Variants in REEP1 observed in about 807,000 individuals in gnomAD.
REEP1 encodes receptor expression-enhancing protein 1.
In REEP1, 22 loss-of-function variants were observed where a neutral mutation model predicts 40.3. The ratio of observed to expected loss-of-function variants is 0.55; its 90% confidence interval spans 0.39 to 0.78. The LOEUF is 0.78. REEP1 is among the 30% of genes least tolerant of loss of function. The probability of loss-of-function intolerance (pLI) is 0.00; values close to 1 mark genes in which losing one functional copy is unlikely to be tolerated. For missense variants in REEP1, 280 were observed against 361.1 expected, an observed-to-expected ratio of 0.78 and a Z score of 1.82; for synonymous variants, 116 against 139.2, an observed-to-expected ratio of 0.83 and a Z score of 1.17.
intron 4 of REEP1, among the ~76,000 whole-genome samples, chr2:86,252,955 G>A (rs529068254): frequency 6.6e-6 from 1 of 152,310 alleles, no homozygotes; most frequent in East Asian, 1.9e-4. Flanking sequence ...GTTTGTTTGG[G>A]AGTGTTTTGT....
intron 1 of REEP1, among the ~76,000 whole-genome samples, chr2:86,284,223 C>G (rs1574080142): frequency 6.6e-6 from 1 of 152,096 alleles, no homozygotes; most frequent in East Asian, 1.9e-4. Flanking sequence ...GGAGGCCTTT[C>G]CTGACCTGGT....
chr2:86,319,666 G>T (rs1454902418), intron 1 of REEP1, among the ~76,000 whole-genome samples: 1 of 152,094 alleles, frequency 6.6e-6, no homozygotes, highest in East Asian at 1.9e-4. Context: ...CTGCACTCCA[G>T]CCTGGGCGAC....
chr2:86,300,002 A>G (rs1285354870), intron 1 of REEP1, among the ~76,000 whole-genome samples: 2 of 152,164 alleles, frequency 1.3e-5, no homozygotes, highest in Middle Eastern at 3.2e-3. Flanking sequence ...GCAGCAGCCC[A>G]GGGCCAGACT....
chr2:86,266,680 T>C (rs578043622), intron 2 of REEP1, among the ~76,000 whole-genome samples: 1 of 147,406 alleles, frequency 6.8e-6, no homozygotes, highest in Non-Finnish European at 1.5e-5. Context: ...AATAAATAAA[T>C]AAAGATATAC....
chr2:86,324,157 CT>C (rs962692668), intron 1 of REEP1, among the ~76,000 whole-genome samples: 3 of 151,902 alleles, frequency 2.0e-5, no homozygotes, highest in Non-Finnish European at 4.4e-5. Context: ...AAAATGCTGT[CT>C]ATTGCATTAA....
intron 1 of REEP1, among the ~76,000 whole-genome samples, chr2:86,318,586 C>T (rs533510533): frequency 2.6e-5 from 4 of 151,888 alleles, no homozygotes; most frequent in East Asian, 1.9e-4. Context: ...TTAGTAGAGA[C>T]GGGGTTTCAC....
At chr2:86,247,321 G>C (rs1483267273) in intron 5 of REEP1, among the ~76,000 whole-genome samples, 2 of 152,044 alleles carry the variant, frequency 1.3e-5, no homozygotes, top group African/African-American at 4.8e-5. Flanking sequence ...GTGGGATAGG[G>C]GTTAAATTCC....
chr2:86,252,028 C>T lies in REEP1; in HGVS notation c.346G>A (p.Asp116Asn), dbSNP rs201343132. ...CLVQAKDRSYDALVHFGKRGL... is the reference protein window; with the variant it reads ...CLVQAKDRSYNALVHFGKRGL... ...CGCTTCCCGAAGTGCACAAGGGCAT[C>T]GTAACTTCGGTCTTTTGCTTGGACC... is the stretch of plus-strand genomic sequence containing the variant. The change falls in exon 5 of 9, where the codon GAT becomes AAT. Residue 116 changes from aspartate (D) to asparagine (N), a missense_variant. Around this residue, in one of 3 missense-constraint regions of REEP1, gnomAD observed 201 missense variants for 238.5 expected, o/e 0.84. Coordinates refer to ENST00000538924, the MANE Select transcript of REEP1 (RefSeq NM_001371279.1). 12 of 1,613,924 alleles carry T rather than the reference C, an allele frequency of 7.4e-6. No homozygotes were observed. The highest frequency in any genetic ancestry group is 5.9e-6 in the Non-Finnish European group (7 of 1,180,016).
At chr2:86,230,468 G>A (rs1480989791) in intron 6 of REEP1, among the ~76,000 whole-genome samples, 1 of 152,176 alleles carries the variant, frequency 6.6e-6, no homozygotes, top group Non-Finnish European at 1.5e-5. Context: ...GGGACGCCAG[G>A]GCCACCTAAG....
At position 86,337,278 on chromosome 2, in the gene REEP1, C is replaced by A; in HGVS notation, c.32+201G>T. 1 of 293,124 alleles carries A rather than the reference C, an allele frequency of 3.4e-6. No homozygotes were observed. The highest frequency in any genetic ancestry group is 6.1e-6 in the Non-Finnish European group (1 of 163,696). 18.2% of individuals were successfully genotyped at this position (293,124 alleles called of 1,614,324 possible). On this transcript the variant is annotated intron_variant, in intron 1 of 8. Coordinates refer to ENST00000538924, the MANE Select transcript of REEP1 (RefSeq NM_001371279.1). This position sits in a 1 kb window ranked among gnomAD's most constrained non-coding sequence, Gnocchi z 5.8. ...CCCCGCAAGCGGCCGCCGGCGCCGGCTGCCTCCTGGGCAGCAGCCGCGTCC... is the reference window on the plus strand; with the variant it reads ...CCCCGCAAGCGGCCGCCGGCGCCGGATGCCTCCTGGGCAGCAGCCGCGTCC...
chr2:86,247,970 G>A (rs563604220), intron 5 of REEP1, among the ~76,000 whole-genome samples: 2 of 152,106 alleles, frequency 1.3e-5, no homozygotes, highest in South Asian at 4.2e-4. Context: ...TTAGAGAAAG[G>A]ACACAGGGCT....
intron 1 of REEP1, among the ~76,000 whole-genome samples, chr2:86,305,102 T>C (rs977365794): frequency 2.0e-5 from 3 of 152,014 alleles, no homozygotes; most frequent in Non-Finnish European, 4.4e-5. Flanking sequence ...ATACAGATAT[T>C]GGTTAAATGA....
intron 3 of REEP1, 37 bp downstream of exon 3, chr2:86,263,928 T>G: frequency 6.5e-7 from 1 of 1,534,770 alleles, no homozygotes; most frequent in Non-Finnish European, 9.0e-7. Flanking sequence ...CTAAGCAAAA[T>G]TGTCCTTAGA....
rs1050149764 is a variant in REEP1, at chr2:86,220,042, G to A, written c.711C>T (p.Asp237=). The A allele has an allele frequency of 2.6e-5, 32 of 1,232,028 alleles. No homozygotes were observed. The highest frequency in any genetic ancestry group is 3.0e-5 in the Non-Finnish European group (30 of 987,992). The allele number at this position is 1,232,028 out of a possible 1,614,324, so 76.3% of individuals were successfully genotyped here. A position where few individuals can be genotyped will look rare whatever the true frequency, so the allele number is the denominator to read the frequency against. The change falls in exon 8 of 9, where the codon GAC becomes GAT. Residue 237 remains aspartate (D), a synonymous_variant. Transcript: ENST00000538924. ...AATCCAGCAGGTCTTCCTCCTCGTC[G>A]TCAGAAAACGCCAATGGGTTTTGGA... ...HQVQNPLAFS[D]DEEEDLLDFM...
At chr2:86,230,097 C>G (rs1298668568) in intron 6 of REEP1, among the ~76,000 whole-genome samples, 1 of 152,242 alleles carries the variant, frequency 6.6e-6, no homozygotes, top group Non-Finnish European at 1.5e-5. Flanking sequence ...CTGGTCCTCT[C>G]AGCCTGGGAC....
intron 2 of REEP1, among the ~76,000 whole-genome samples, chr2:86,273,983 G>A (rs1012775427): frequency 2.6e-5 from 4 of 152,166 alleles, no homozygotes; most frequent in African/African-American, 7.2e-5. Flanking sequence ...TCAAATGACC[G>A]GATTAGAATG....
intron 5 of REEP1, among the ~76,000 whole-genome samples, chr2:86,249,159 T>C (rs1676133583): frequency 6.6e-6 from 1 of 151,986 alleles, no homozygotes. Flanking sequence ...CTCAGGAGGC[T>C]GAGGCAGGGA....
At chr2:86,234,128 G>T (rs896889325) in intron 5 of REEP1, among the ~76,000 whole-genome samples, 13 of 151,950 alleles carry the variant, frequency 8.6e-5, no homozygotes, top group African/African-American at 2.4e-4. Context: ...GCAATTCGCT[G>T]AAGTGAAAAA....
chr2:86,295,581 T>G (rs1047611692), intron 1 of REEP1, among the ~76,000 whole-genome samples: 2 of 152,186 alleles, frequency 1.3e-5, no homozygotes, highest in African/African-American at 4.8e-5. Flanking sequence ...CTGGAGTGCT[T>G]CGGTGTGATC....
Sources: allele counts gnomAD v4.1 joint callset (sites outside exome capture counted in the v4.1 genomes callset), GRCh38; gene constraint gnomAD v4.1.1; regional missense constraint gnomAD v4.1.1; non-coding constraint Gnocchi (gnomAD v3.1); transcripts MANE v1.5; gene names NCBI Gene and HGNC (gene_info 2026-07-23, HGNC 2026-07-21).